The following KCNC4 variants were observed in gnomAD, a reference collection of about 807,000 sequenced individuals.
The protein encoded by KCNC4 is voltage-gated potassium channel KCNC4.
A neutral mutation model predicts 42.8 loss-of-function variants in KCNC4; 23 were observed. That is an observed-to-expected ratio of 0.54 (90% CI 0.39 to 0.76). The LOEUF is 0.76. KCNC4 is among the 30% of genes least tolerant of loss of function. KCNC4 has a pLI of 0.00. For synonymous variants in KCNC4, 422 were observed against 393.5 expected (o/e 1.07, Z -0.86); for missense variants, 751 against 898.2 (o/e 0.84, Z 2.10).
At chr1:110,258,616 C>T (rs1021737564) in intron 1 of KCNC4, among the ~76,000 whole-genome samples, 2 of 152,178 alleles carry the variant, frequency 1.3e-5, no homozygotes, top group African/African-American at 4.8e-5. Context: ...GAGAGAAAAA[C>T]ACCCATCCAT....
Position 110,212,092 on chromosome 1 carries a change from A to G in KCNC4, c.593A>G (p.His198Arg). 2.0e-6 allele frequency: 3 copies of G among 1,527,684 alleles called. No individual in the cohort carries two copies. Among genetic ancestry groups the G allele is most frequent in the Non-Finnish European group, 1.7e-6 (2 of 1,148,814 alleles). 94.6% of individuals were successfully genotyped at this position (1,527,684 alleles called of 1,614,324 possible). A position where few individuals can be genotyped will look rare whatever the true frequency, so the allele number is the denominator to read the frequency against. Reference protein sequence around the residue: ...RLGPHEGGAGHGAGSGGCRGW... With the variant: ...RLGPHEGGAGRGAGSGGCRGW... ...GGCCCCCACGAGGGAGGCGCGGGCC[A>G]TGGCGCCGGGTCTGGGGGCTGCCGC... The change falls in exon 1 of 4, where the codon CAT becomes CGT. Residue 198 changes from histidine to arginine, a missense_variant. Physicochemically the swap from His to Arg is conservative, Grantham distance 29. Coordinates refer to ENST00000438661, the MANE Select transcript of KCNC4 (RefSeq NM_001039574.3).
chr1:110,246,524 A>C (rs1659148703), exon 4 of KCNC4: 1 of 152,202 alleles, frequency 6.6e-6, no homozygotes, highest in African/African-American at 2.4e-5. Flanking sequence ...AAAGGTTAGA[A>C]GCTTGAGCGT....
rs1315997860 is a variant in KCNC4, at chr1:110,211,042, C to G, written c.-458C>G. Among the ~76,000 whole-genome samples the G allele has an allele frequency of 7.2e-5, 11 of 152,238 alleles. No individual in the cohort carries two copies. Among genetic ancestry groups the G allele is most frequent in the Non-Finnish European group, 1.3e-4 (9 of 68,042 alleles). ...TGCGCTGCCGCCGCTGCGGGGAAGC[C>G]GGCTATTCCGGGGCTTGGTGCGGTC... On this transcript the variant is annotated 5_prime_UTR_variant, in exon 1 of 4. Transcript: ENST00000438661. This position sits in a 1 kb window ranked among gnomAD's most constrained non-coding sequence, Gnocchi z 6.5.
chr1:110,228,000 T>C (rs1467108646), intron 3 of KCNC4, among the ~76,000 whole-genome samples: 1 of 152,254 alleles, frequency 6.6e-6, no homozygotes, highest in South Asian at 2.1e-4. Context: ...CTCAGCCAAT[T>C]AGAGTGACCT....
At chr1:110,271,837 G>T (rs1659641739) in intron 1 of KCNC4, among the ~76,000 whole-genome samples, 1 of 152,146 alleles carries the variant, frequency 6.6e-6, no homozygotes, top group Admixed American at 6.5e-5. Context: ...GCTGCCAACT[G>T]TACAGTGACT....
downstream of KCNC4, chr1:110,234,214 G>C (rs186060635): frequency 2.0e-5 from 3 of 152,286 alleles, no homozygotes; most frequent in Admixed American, 6.5e-5. Flanking sequence ...CTCAGAGAGG[G>C]CAAGTCATCT....
rs991012500 is a variant in KCNC4, at chr1:110,223,333, C to T, written c.1048C>T (p.Arg350Cys). Reference protein sequence around the residue: ...RDVLGFLRVVRFVRILRIFKL... With the variant: ...RDVLGFLRVVCFVRILRIFKL... ...CGTGCTGGGCTTCCTGCGCGTGGTG[C>T]GCTTCGTGCGCATCCTGCGTATCTT... Residue 350 changes from arginine (R) to cysteine (C), a missense_variant, in exon 2 of 4, where the codon CGC becomes TGC. Coordinates refer to ENST00000438661, the MANE Select transcript of KCNC4 (RefSeq NM_001039574.3). This position sits in a 1 kb window ranked among gnomAD's most constrained non-coding sequence, Gnocchi z 7.5. 5.6e-6 allele frequency: 9 copies of T among 1,613,826 alleles called. No individual in the cohort carries two copies. The highest frequency in any genetic ancestry group is 1.7e-5 in the Admixed American group (1 of 60,000).
intron 3 of KCNC4, chr1:110,232,456 C>T: frequency 6.8e-7 from 1 of 1,462,774 alleles, no homozygotes; most frequent in Non-Finnish European, 9.0e-7. Context: ...GGGGTGATGG[C>T]CTGTGAGCCA....
chr1:110,281,080 C>A (rs187123307), intron 1 of KCNC4, among the ~76,000 whole-genome samples: 1 of 151,922 alleles, frequency 6.6e-6, no homozygotes, highest in Non-Finnish European at 1.5e-5. Flanking sequence ...GGTGGTGGTG[C>A]GGGGGCTTCT....
At chr1:110,230,486 TC>T (rs574102604) in intron 3 of KCNC4, among the ~76,000 whole-genome samples, 376 of 152,316 alleles carry the variant, frequency 2.5e-3, no homozygotes, top group Non-Finnish European at 4.1e-3. Flanking sequence ...GACTTGCCTT[TC>T]TGGTTCAGGG....
exon 4 of KCNC4, chr1:110,247,181 A>G (rs979773873): frequency 6.7e-6 from 1 of 149,766 alleles, no homozygotes; most frequent in East Asian, 1.9e-4. Flanking sequence ...GGTTGATTCC[A>G]TGTCTTTGCT....
At chr1:110,219,033 TCCAG>T (rs1657958961) in intron 1 of KCNC4, among the ~76,000 whole-genome samples, 1 of 152,174 alleles carries the variant, frequency 6.6e-6, no homozygotes, top group Non-Finnish European at 1.5e-5. Flanking sequence ...AGTTTTGCCT[TCCAG>T]CAGAATCCAT....
exon 4 of KCNC4, chr1:110,241,653 T>G (rs1182352244): frequency 6.6e-6 from 1 of 152,216 alleles, no homozygotes; most frequent in East Asian, 1.9e-4. Flanking sequence ...TGGAAGATCT[T>G]CCTGCTCCTT....
Position 110,233,094 on chromosome 1 carries a change from C to G in KCNC4, c.*122C>G. The G allele has an allele frequency of 7.7e-7, 1 of 1,303,034 alleles. No homozygotes were observed. The highest frequency in any genetic ancestry group is 1.3e-5 in the South Asian group (1 of 76,358). 80.7% of individuals were successfully genotyped at this position (1,303,034 alleles called of 1,614,324 possible). The stretch of plus-strand genomic sequence containing the variant: ...CTCAGATATCCTTGTTTGCACAGGA[C>G]TGGTGGAAAATCTCCCATGCGACCC... On this transcript the variant is annotated 3_prime_UTR_variant, in exon 4 of 4. Coordinates refer to ENST00000438661, the MANE Select transcript of KCNC4 (RefSeq NM_001039574.3).
intron 2 of KCNC4, 194 bp downstream of exon 2, chr1:110,224,094 A>G: frequency 3.4e-6 from 2 of 586,400 alleles, no homozygotes; most frequent in South Asian, 2.3e-5. Context: ...TAGCTTCCCG[A>G]ACATCAGATC....
At chr1:110,218,906 C>G (rs1379234201) in intron 1 of KCNC4, among the ~76,000 whole-genome samples, 2 of 152,166 alleles carry the variant, frequency 1.3e-5, no homozygotes, top group Non-Finnish European at 2.9e-5. Flanking sequence ...GAGAGGCGCT[C>G]TCCTGCTTAG....
chr1:110,211,304 T>C lies in KCNC4; in HGVS notation c.-196T>C, dbSNP rs558179535. 15 of 757,082 alleles carry C rather than the reference T, an allele frequency of 2.0e-5. No homozygotes were observed. In the Admixed American group the frequency reaches 3.2e-4, roughly 16 times the overall value. 46.9% of individuals were successfully genotyped at this position (757,082 alleles called of 1,614,324 possible). On this transcript the variant is annotated 5_prime_UTR_variant, in exon 1 of 4. Coordinates refer to ENST00000438661, the MANE Select transcript of KCNC4 (RefSeq NM_001039574.3). This position sits in a 1 kb window ranked among gnomAD's most constrained non-coding sequence, Gnocchi z 6.5. Reference sequence around the variant, plus strand: ...TTCCTGCCCTAACCCCAACCACCTGTGTACCGGAGAAATCCAACTCCTCCC... The same window carrying C: ...TTCCTGCCCTAACCCCAACCACCTGCGTACCGGAGAAATCCAACTCCTCCC...
intron 3 of KCNC4, 64 bp downstream of exon 3, chr1:110,226,242 C>T (rs1372419894): frequency 6.8e-7 from 1 of 1,471,080 alleles, no homozygotes; most frequent in Admixed American, 1.7e-5. Flanking sequence ...GAGTCCCCCA[C>T]CAAGAGCCTG....
intron 3 of KCNC4, among the ~76,000 whole-genome samples, chr1:110,227,671 G>C (rs2077402): frequency 2.0e-4 from 30 of 152,256 alleles, no homozygotes; most frequent in African/African-American, 7.0e-4. Context: ...TGGCTGGACC[G>C]TGCTAAGCAG....
Sources: allele counts gnomAD v4.1 joint callset (sites outside exome capture counted in the v4.1 genomes callset), GRCh38; gene constraint gnomAD v4.1.1; non-coding constraint Gnocchi (gnomAD v3.1); transcripts MANE v1.5; gene names NCBI Gene and HGNC (gene_info 2026-07-23, HGNC 2026-07-21).